The following PCDH9 variants were observed in gnomAD, a reference collection of about 807,000 sequenced individuals.
PCDH9 encodes the protein protocadherin-9.
Under a neutral mutation model 70.6 loss-of-function variants are expected in PCDH9, and 24 were observed. The ratio of observed to expected loss-of-function variants is 0.34; its 90% confidence interval spans 0.25 to 0.48. PCDH9 has a LOEUF of 0.48. Ranked by LOEUF, PCDH9 falls within the 20% of genes least tolerant of loss-of-function variation. The probability of loss-of-function intolerance (pLI) is 0.99; values close to 1 mark genes in which losing one functional copy is unlikely to be tolerated. For missense variants in PCDH9, 1,281 were observed against 1,503.6 expected, an observed-to-expected ratio of 0.85 and a Z score of 2.45; for synonymous variants, 562 against 558.5, an observed-to-expected ratio of 1.01 and a Z score of -0.09.
chr13:67,207,127 T>C (rs2089368591), intron 2 of PCDH9: 1 of 151,078 alleles, frequency 6.6e-6, no homozygotes, highest in East Asian at 2.0e-4. Flanking sequence ...AGTGGCAAAA[T>C]TTGTATAATA....
At chr13:66,745,068 C>T (rs1434306385) in intron 3 of PCDH9, among the ~76,000 whole-genome samples, 1 of 152,086 alleles carries the variant, frequency 6.6e-6, no homozygotes, top group African/African-American at 2.4e-5. Context: ...TTGTGTGAGC[C>T]TCAGTTTTCT....
At chr13:66,360,318 TC>T (rs1249938220) in intron 4 of PCDH9, among the ~76,000 whole-genome samples, 1 of 152,096 alleles carries the variant, frequency 6.6e-6, no homozygotes. Flanking sequence ...ACTGTCCACA[TC>T]CTAAACCAAG....
At chr13:66,945,353 C>T (rs1163951430) in intron 2 of PCDH9, among the ~76,000 whole-genome samples, 1 of 152,024 alleles carries the variant, frequency 6.6e-6, no homozygotes, top group African/African-American at 2.4e-5. Flanking sequence ...CTTTGAGTGC[C>T]ATATTCTTAT....
intron 3 of PCDH9, among the ~76,000 whole-genome samples, chr13:66,733,406 C>G (rs935469683): frequency 6.6e-6 from 1 of 152,122 alleles, no homozygotes; most frequent in African/African-American, 2.4e-5. Flanking sequence ...TTCCTCCACA[C>G]TAATTATTTT....
chr13:66,995,551 A>G (rs1213418319), intron 2 of PCDH9, among the ~76,000 whole-genome samples: 1 of 152,144 alleles, frequency 6.6e-6, no homozygotes, highest in Non-Finnish European at 1.5e-5. Context: ...CTAAGTTTTG[A>G]GGTTGGGTTA....
intron 3 of PCDH9, among the ~76,000 whole-genome samples, chr13:66,864,120 C>T (rs1229731646): frequency 6.6e-6 from 1 of 152,074 alleles, no homozygotes; most frequent in Non-Finnish European, 1.5e-5. Flanking sequence ...TCCCAGGACA[C>T]ATGGGAATTA....
intron 2 of PCDH9, among the ~76,000 whole-genome samples, chr13:66,970,162 A>G (rs903180519): frequency 6.6e-6 from 1 of 152,078 alleles, no homozygotes; most frequent in Non-Finnish European, 1.5e-5. Flanking sequence ...ACTGATTAGA[A>G]TTTCAGAAAA....
At chr13:66,715,153 G>T (rs947258649) in intron 3 of PCDH9, among the ~76,000 whole-genome samples, 1 of 152,056 alleles carries the variant, frequency 6.6e-6, no homozygotes, top group Non-Finnish European at 1.5e-5. Flanking sequence ...CAGTCACTGG[G>T]CATTTTTCTG....
rs181827245 is a variant in PCDH9, at chr13:66,896,111, T to C, written c.3138+7393A>G. Among the ~76,000 whole-genome samples the C allele has an allele frequency of 3.9e-5, 6 of 152,254 alleles. No homozygotes were observed. The East Asian group carries it at 1.2e-3, about 29-fold the overall frequency. ...TTCCTGTGAACAAAACCAAGCCCAT[T>C]TGTTTTGTGGTGAAGAAAGAATTGG... On this transcript the variant is annotated intron_variant, in intron 3 of 4. Coordinates refer to ENST00000377865, the MANE Select transcript of PCDH9 (RefSeq NM_203487.3).
intron 3 of PCDH9, among the ~76,000 whole-genome samples, chr13:66,898,271 T>A (rs77616826): frequency 1.3e-3 from 198 of 152,172 alleles, no homozygotes; most frequent in African/African-American, 4.6e-3. Flanking sequence ...TATTTAAGTA[T>A]GTAAATAACA....
chr13:67,197,753 A>C (rs1478813108), intron 2 of PCDH9, among the ~76,000 whole-genome samples: 5 of 151,976 alleles, frequency 3.3e-5, no homozygotes, highest in African/African-American at 9.7e-5. Flanking sequence ...TTATATGCTT[A>C]AGGCTGTTGT....
chr13:66,684,098 A>AT (rs141365687), intron 3 of PCDH9, among the ~76,000 whole-genome samples: 3 of 152,256 alleles, frequency 2.0e-5, no homozygotes, highest in Non-Finnish European at 2.9e-5. Flanking sequence ...GATATGATAC[A>AT]TTTTTTAAAA....
intron 4 of PCDH9, among the ~76,000 whole-genome samples, chr13:66,556,738 A>G (rs1358804879): frequency 2.0e-5 from 3 of 152,176 alleles, no homozygotes; most frequent in Admixed American, 6.5e-5. Flanking sequence ...ATTTTTACTT[A>G]AAACTATATT....
At chr13:66,323,288 A>T (rs1314737753) in intron 4 of PCDH9, 6 of 152,036 alleles carry the variant, frequency 3.9e-5, no homozygotes, top group African/African-American at 1.5e-4. Context: ...TACTTCAAAA[A>T]TTAACTTTAG....
chr13:66,408,618 C>A (rs1957322644), intron 4 of PCDH9, among the ~76,000 whole-genome samples: 1 of 152,144 alleles, frequency 6.6e-6, no homozygotes, highest in South Asian at 2.1e-4. Context: ...CTTGTGAATG[C>A]CTAGTTGCTT....
intron 2 of PCDH9, among the ~76,000 whole-genome samples, chr13:67,192,763 T>C (rs2088952610): frequency 6.6e-6 from 1 of 152,182 alleles, no homozygotes; most frequent in African/African-American, 2.4e-5. Context: ...GTAAGAGGGA[T>C]AGTCCTTTCT....
intron 3 of PCDH9, among the ~76,000 whole-genome samples, chr13:66,721,018 C>G (rs9571636): frequency 0.11 from 16,298 of 151,988 alleles, 1,350 homozygotes; most frequent in East Asian, 0.41. Flanking sequence ...CTGTTATACA[C>G]GTAAAAAATA....
intron 2 of PCDH9, among the ~76,000 whole-genome samples, chr13:67,055,262 G>A (rs1191194984): frequency 2.0e-5 from 3 of 152,072 alleles, no homozygotes; most frequent in African/African-American, 4.8e-5. Flanking sequence ...AGATCCTATA[G>A]GACACATTGG....
chr13:66,333,354 G>T (rs1281401279), intron 4 of PCDH9, among the ~76,000 whole-genome samples: 2 of 152,126 alleles, frequency 1.3e-5, no homozygotes, highest in Non-Finnish European at 2.9e-5. Flanking sequence ...ATAGCACTGA[G>T]GTAGAAATGA....
Sources: gnomAD v4.1 joint callset for allele counts (sites outside exome capture counted in the v4.1 genomes callset) on GRCh38, gnomAD v4.1.1 for gene constraint, MANE v1.5 for transcripts, NCBI Gene and HGNC (gene_info 2026-07-23, HGNC 2026-07-21) for gene names.